GK: variants seen among roughly 807,000 people sequenced by gnomAD.
The protein encoded by GK is ATP:glycerol 3-phosphotransferase.
Under a neutral mutation model 56.4 loss-of-function variants are expected in GK, and 9 were observed. The observed-to-expected ratio is 0.16, with a 90% CI of 0.10 to 0.28. GK has a LOEUF of 0.28. Among genes scored for constraint, GK ranks in the 10% least tolerant of loss-of-function variants. GK has a pLI of 1.00. For synonymous variants in GK, 104 were observed against 144.1 expected, an observed-to-expected ratio of 0.72 and a Z score of 1.99; for missense variants, 161 against 431.4, an observed-to-expected ratio of 0.37 and a Z score of 5.55.
At chrX:30,673,091 G>A (rs764753172) in intron 3 of GK, among the ~76,000 whole-genome samples, 4 of 111,500 alleles carry the variant, frequency 3.6e-5, no homozygotes, top group East Asian at 2.8e-4. Context: ...ATAACTTCAC[G>A]GAAAATTTTA....
chrX:30,699,268 AACATG>A (rs1935476838), intron 9 of GK, among the ~76,000 whole-genome samples: 24 of 85,220 alleles, frequency 2.8e-4, no homozygotes, highest in East Asian at 4.1e-4. Context: ...TGTTATGTAT[AACATG>A]TATATATACA....
At chrX:30,704,920 C>T (rs1233430961) in intron 11 of GK, among the ~76,000 whole-genome samples, 1 of 111,791 alleles carries the variant, frequency 8.9e-6, no homozygotes, top group African/African-American at 3.3e-5. Flanking sequence ...AAGATAGAAG[C>T]CTGGTTGCAA....
intron 10 of GK, 78 bp downstream of exon 10, chrX:30,700,527 TG>T: frequency 1.2e-6 from 1 of 841,778 alleles, no homozygotes. Flanking sequence ...TTCATCAGTG[TG>T]CCTCTTTTTA....
At chrX:30,718,921 G>A (rs1281024709) in intron 14 of GK, among the ~76,000 whole-genome samples, 1 of 111,750 alleles carries the variant, frequency 8.9e-6, no homozygotes, top group African/African-American at 3.3e-5. Flanking sequence ...TTTATCTGAT[G>A]AGAAAGAGCT....
chrX:30,716,905 C>T (rs190852490), intron 13 of GK, among the ~76,000 whole-genome samples: 127 of 112,144 alleles, frequency 1.1e-3, no homozygotes, highest in Non-Finnish European at 2.1e-3. Flanking sequence ...TCCTCAAATA[C>T]TTCCTGTGGT....
At chrX:30,669,685 AT>A (rs1933347297) in intron 3 of GK, among the ~76,000 whole-genome samples, 1 of 111,409 alleles carries the variant, frequency 9.0e-6, no homozygotes, top group Non-Finnish European at 1.9e-5. Flanking sequence ...TTGACTATAG[AT>A]AGAGAGAACA....
chrX:30,700,165 G>A (rs1935568615), intron 9 of GK: 4 of 358,661 alleles, frequency 1.1e-5, no homozygotes, highest in African/African-American at 1.0e-4. Flanking sequence ...CTAACCAAGA[G>A]TAGAGCCCTC....
chrX:30,662,409 G>C (rs1020723148), intron 1 of GK, among the ~76,000 whole-genome samples: 1 of 111,994 alleles, frequency 8.9e-6, no homozygotes, highest in African/African-American at 3.2e-5. Context: ...TGATGAAGTA[G>C]GGAGGTCTAG....
At chrX:30,677,479 T>C in intron 4 of GK, 27 bp downstream of exon 4, 1 of 819,310 alleles carries the variant, frequency 1.2e-6, no homozygotes, top group Non-Finnish European at 1.9e-6. Flanking sequence ...GGATGTCAAA[T>C]GTAGGGCCTT....
At chrX:30,664,293 C>T (rs1450723524) in intron 1 of GK, among the ~76,000 whole-genome samples, 2 of 103,186 alleles carry the variant, frequency 1.9e-5, no homozygotes, top group African/African-American at 3.5e-5. Flanking sequence ...TCCTGGGTTC[C>T]GGTTCAAGCA....
chrX:30,653,758 T>C, intron 1 of GK, 143 bp downstream of exon 1: 1 of 566,480 alleles, frequency 1.8e-6, no homozygotes, highest in Non-Finnish European at 3.0e-6. Context: ...GAACGGGACC[T>C]GCCACACTGG....
At chrX:30,699,305 T>TTGCAAA in intron 9 of GK, among the ~76,000 whole-genome samples, 2 of 62,142 alleles carry the variant, frequency 3.2e-5, no homozygotes, top group Non-Finnish European at 6.2e-5. Context: ...ATAACATGTA[T>TTGCAAA]ATATATAACA....
At chrX:30,659,279 C>A (rs1932549824) in intron 1 of GK, among the ~76,000 whole-genome samples, 1 of 111,877 alleles carries the variant, frequency 8.9e-6, no homozygotes, top group African/African-American at 3.3e-5. Context: ...GTGATCTACC[C>A]GCCTCGGCCT....
In GK at chrX:30,713,402, T is replaced by C. The variant is rs142016032; in HGVS notation, c.976-5136T>C. Among the ~76,000 whole-genome samples the C allele has an allele frequency of 6.1e-3, 682 of 112,064 alleles. 4 individuals carry two copies. The highest frequency in any genetic ancestry group is 0.021 in the African/African-American group (648 of 30,849). On this transcript the variant is annotated intron_variant, in intron 13 of 20. Coordinates refer to ENST00000427190, the MANE Select transcript of GK (RefSeq NM_001205019.2). ...ATGTTATTCTGTATTTGAGTCAGCATGTTGTTTCAGTTTTCTCTTTTATAT... is the reference window on the plus strand; with the variant it reads ...ATGTTATTCTGTATTTGAGTCAGCACGTTGTTTCAGTTTTCTCTTTTATAT...
intron 6 of GK, 35 bp downstream of exon 6, chrX:30,694,572 T>A (rs1250052695): frequency 8.9e-7 from 1 of 1,123,568 alleles, no homozygotes; most frequent in South Asian, 1.8e-5. Context: ...TGGAGAATTT[T>A]TTCAGAAATT....
At chrX:30,656,772 G>A (rs1364063526) in intron 1 of GK, among the ~76,000 whole-genome samples, 1 of 112,859 alleles carries the variant, frequency 8.9e-6, no homozygotes, top group East Asian at 2.7e-4. Flanking sequence ...AGCACTTAAA[G>A]ACTGTTCAGA....
intron 4 of GK, among the ~76,000 whole-genome samples, chrX:30,679,040 A>G (rs1934120294): frequency 9.2e-6 from 1 of 109,113 alleles, no homozygotes; most frequent in Non-Finnish European, 1.9e-5. Flanking sequence ...TCTCATTCTC[A>G]TGAGTAATTC....
intron 1 of GK, among the ~76,000 whole-genome samples, chrX:30,662,111 A>G (rs764310555): frequency 5.9e-4 from 66 of 112,090 alleles, no homozygotes; most frequent in African/African-American, 2.0e-3. Flanking sequence ...GCTACTGATT[A>G]CTTTAAATAT....
At chrX:30,703,087 A>G (rs1406111043) in intron 11 of GK, among the ~76,000 whole-genome samples, 1 of 112,287 alleles carries the variant, frequency 8.9e-6, no homozygotes, top group East Asian at 2.8e-4. Flanking sequence ...AAAGTCACAA[A>G]AGATTATCTT....
Sources: allele counts gnomAD v4.1 joint callset (sites outside exome capture counted in the v4.1 genomes callset), GRCh38; gene constraint gnomAD v4.1.1; transcripts MANE v1.5; gene names NCBI Gene and HGNC (gene_info 2026-07-23, HGNC 2026-07-21).